PLXDC2: variants seen among roughly 807,000 people sequenced by gnomAD.
The protein encoded by PLXDC2 is plexin domain containing 2, also known as plexin domain-containing protein 2.
Under a neutral mutation model 68.9 loss-of-function variants are expected in PLXDC2, and 40 were observed. The observed-to-expected ratio is 0.58, with a 90% CI of 0.45 to 0.76. The LOEUF (loss-of-function observed/expected upper bound fraction) is 0.76, where lower values mean the gene tolerates loss of function less well. Among genes scored for constraint, PLXDC2 ranks in the 30% least tolerant of loss-of-function variants. The pLI is 0.00. For missense variants in PLXDC2, 644 were observed against 661.9 expected (o/e 0.97, Z 0.30); for synonymous variants, 243 against 234.2 (o/e 1.04, Z -0.34).
intron 4 of PLXDC2, among the ~76,000 whole-genome samples, chr10:20,105,487 G>T (rs576886606): frequency 2.0e-3 from 134 of 68,532 alleles, no homozygotes; most frequent in African/African-American, 2.7e-3. Context: ...GCAAATATTT[G>T]TTCGTTCTTA....
At chr10:19,921,784 C>T (rs1833465044) in intron 1 of PLXDC2, among the ~76,000 whole-genome samples, 1 of 152,196 alleles carries the variant, frequency 6.6e-6, no homozygotes, top group South Asian at 2.1e-4. Flanking sequence ...AGCCTGCATT[C>T]CATGTGCCAA....
At chr10:19,918,528 A>G (rs766943965) in intron 1 of PLXDC2, among the ~76,000 whole-genome samples, 4 of 152,208 alleles carry the variant, frequency 2.6e-5, no homozygotes, top group Non-Finnish European at 4.4e-5. Flanking sequence ...CATTAAACAC[A>G]AGTTGAGCAA....
intron 4 of PLXDC2, among the ~76,000 whole-genome samples, chr10:20,069,219 T>C (rs115383877): frequency 0.018 from 2,738 of 152,262 alleles, 89 homozygotes; most frequent in African/African-American, 0.063. Context: ...AGAAGATTTG[T>C]AATCAGAAAT....
At chr10:19,957,271 T>C (rs1834085453) in intron 1 of PLXDC2, among the ~76,000 whole-genome samples, 1 of 152,148 alleles carries the variant, frequency 6.6e-6, no homozygotes, top group Admixed American at 6.5e-5. Context: ...GATATTGCTC[T>C]CTTTGTAGTT....
At chr10:19,862,218 C>A (rs1024741949) in intron 1 of PLXDC2, among the ~76,000 whole-genome samples, 3 of 152,170 alleles carry the variant, frequency 2.0e-5, no homozygotes, top group African/African-American at 7.2e-5. Context: ...ATCCAACTAG[C>A]ATCTTGAATC....
At chr10:19,951,245 G>C (rs1833986580) in intron 1 of PLXDC2, among the ~76,000 whole-genome samples, 1 of 152,218 alleles carries the variant, frequency 6.6e-6, no homozygotes, top group African/African-American at 2.4e-5. Context: ...ACTATGATCT[G>C]ACAAATGTCT....
chr10:19,969,117 A>C (rs1834309335), intron 1 of PLXDC2, among the ~76,000 whole-genome samples: 1 of 152,204 alleles, frequency 6.6e-6, no homozygotes, highest in Admixed American at 6.5e-5. Flanking sequence ...TTTTAGCCTA[A>C]GTTACAATAT....
chr10:19,993,773 C>T (rs11011724), intron 1 of PLXDC2, among the ~76,000 whole-genome samples: 37,634 of 152,038 alleles, frequency 0.25, 5,007 homozygotes, highest in East Asian at 0.51. Flanking sequence ...CGTTCTGTTT[C>T]GTTTTATATA....
chr10:19,973,281 CACAT>C (rs1172090900), intron 1 of PLXDC2, among the ~76,000 whole-genome samples: 1 of 96,548 alleles, frequency 1.0e-5, no homozygotes, highest in African/African-American at 4.4e-5. Context: ...TATATGTATA[CACAT>C]ACATATATAT....
At chr10:20,101,214 A>G (rs1314614542) in intron 4 of PLXDC2, among the ~76,000 whole-genome samples, 1 of 152,168 alleles carries the variant, frequency 6.6e-6, no homozygotes, top group Non-Finnish European at 1.5e-5. Context: ...CTATTTATCC[A>G]CATTCTTCCA....
At chr10:20,178,287 G>T (rs1368724543) in intron 9 of PLXDC2, among the ~76,000 whole-genome samples, 1 of 152,090 alleles carries the variant, frequency 6.6e-6, no homozygotes, top group East Asian at 1.9e-4. Flanking sequence ...GGCAAAGATG[G>T]TTTTTCAGTT....
chr10:20,113,504 A>G (rs919810816), intron 4 of PLXDC2, among the ~76,000 whole-genome samples: 3 of 152,076 alleles, frequency 2.0e-5, no homozygotes, highest in Non-Finnish European at 4.4e-5. Flanking sequence ...TCCACTCCTA[A>G]TTGCAGCCAA....
At chr10:19,947,051 G>A (rs189030643) in intron 1 of PLXDC2, among the ~76,000 whole-genome samples, 24 of 152,202 alleles carry the variant, frequency 1.6e-4, no homozygotes, top group African/African-American at 5.3e-4. Flanking sequence ...GGAACTGAGA[G>A]AGAGAATAAA....
intron 3 of PLXDC2, 132 bp from the exon 4 acceptor site, chr10:20,068,038 G>A (rs946146737): frequency 3.1e-5 from 22 of 712,150 alleles, no homozygotes; most frequent in Non-Finnish European, 3.6e-5. Flanking sequence ...GAGGACTCAG[G>A]TTTTAAAAGA....
At chr10:19,947,817 T>A (rs142080624) in intron 1 of PLXDC2, among the ~76,000 whole-genome samples, 72 of 151,474 alleles carry the variant, frequency 4.8e-4, no homozygotes, top group Non-Finnish European at 8.3e-4. Context: ...TATTAATAAC[T>A]CCTTGAAGAG....
intron 13 of PLXDC2, among the ~76,000 whole-genome samples, chr10:20,250,677 T>A (rs1835664713): frequency 6.6e-6 from 1 of 152,190 alleles, no homozygotes; most frequent in African/African-American, 2.4e-5. Context: ...GAGTTTTTCT[T>A]CATATGCTGT....
intron 1 of PLXDC2, among the ~76,000 whole-genome samples, chr10:19,834,475 C>T (rs188068882): frequency 2.4e-4 from 36 of 152,114 alleles, no homozygotes; most frequent in Admixed American, 4.6e-4. Flanking sequence ...CTCTGAGGAC[C>T]GAATCAATAT....
Position 20,149,620 on chromosome 10 carries a change from G to T in PLXDC2, c.783+1718G>T, listed in dbSNP as rs144345522. 3.7e-3 allele frequency among the ~76,000 whole-genome samples: 560 copies of T among 151,994 alleles called. 4 individuals carry two copies. Among genetic ancestry groups the T allele is most frequent in the African/African-American group, 0.013 (544 of 41,472 alleles). Reference sequence around the variant, plus strand: ...CCAGTGTCTGTTGTTCCCTTCTTTGGCCCATGCATTCTCATCATTTAGCTC... The same window carrying T: ...CCAGTGTCTGTTGTTCCCTTCTTTGTCCCATGCATTCTCATCATTTAGCTC... On this transcript the variant is annotated intron_variant, in intron 6 of 13. Coordinates refer to ENST00000377252, the MANE Select transcript of PLXDC2 (RefSeq NM_032812.9).
intron 2 of PLXDC2, among the ~76,000 whole-genome samples, chr10:20,040,086 C>G (rs1835655249): frequency 6.6e-6 from 1 of 152,166 alleles, no homozygotes; most frequent in African/African-American, 2.4e-5. Flanking sequence ...TGCGCCCCTT[C>G]CTCATTAACC....
Sources: gnomAD v4.1 joint callset for allele counts (sites outside exome capture counted in the v4.1 genomes callset) on GRCh38, gnomAD v4.1.1 for gene constraint, MANE v1.5 for transcripts, NCBI Gene and HGNC (gene_info 2026-07-23, HGNC 2026-07-21) for gene names.